Variants in ZNF578 observed in about 807,000 individuals in gnomAD.
ZNF578 encodes the protein zinc finger protein 578, also known as Putative chemokine-related protein B42.
ZNF578 carries 8 observed loss-of-function variants against 8.3 expected under a neutral mutation model. The observed-to-expected ratio is 0.96, with a 90% confidence interval of 0.56 to 1.74. The LOEUF (loss-of-function observed/expected upper bound fraction) is 1.74, where lower values mean the gene tolerates loss of function less well. Among genes scored for constraint, ZNF578 ranks in the 40% most tolerant of loss-of-function variants. The pLI, the probability that ZNF578 is intolerant of heterozygous loss-of-function variation, is 0.00. For missense variants in ZNF578, 726 were observed against 707.5 expected, an observed-to-expected ratio of 1.03 and a Z score of -0.30; for synonymous variants, 206 against 232.2, an observed-to-expected ratio of 0.89 and a Z score of 1.03.
intron 5 of ZNF578, among the ~76,000 whole-genome samples, chr19:52,508,893 A>AT (rs869062581): frequency 0.18 from 15,143 of 82,130 alleles, 3,465 homozygotes; most frequent in East Asian, 0.44. Context: ...CTATTAGTCA[A>AT]TTTTTTTTTT....
intron 5 of ZNF578, 77 bp downstream of exon 5, chr19:52,504,858 TG>T (rs1249391868): frequency 6.3e-7 from 1 of 1,590,072 alleles, no homozygotes; most frequent in Non-Finnish European, 8.5e-7. Context: ...TATTCTCTTT[TG>T]TGATTTTGCC....
intron 3 of ZNF578, among the ~76,000 whole-genome samples, chr19:52,497,027 G>C (rs1279413923): frequency 6.6e-6 from 1 of 152,086 alleles, no homozygotes; most frequent in Non-Finnish European, 1.5e-5. Flanking sequence ...CAACCTCCTG[G>C]GCTCAAGTGA....
At chr19:52,501,384 A>G (rs984942088) in intron 3 of ZNF578, among the ~76,000 whole-genome samples, 1 of 152,156 alleles carries the variant, frequency 6.6e-6, no homozygotes. Flanking sequence ...TTCTGACGGG[A>G]TGGAACCCAC....
intron 5 of ZNF578, among the ~76,000 whole-genome samples, chr19:52,505,332 C>T (rs1407043139): frequency 1.3e-5 from 2 of 152,312 alleles, no homozygotes; most frequent in Non-Finnish European, 2.9e-5. Context: ...GGGCTCACAG[C>T]CTCATATGTA....
intron 2 of ZNF578, among the ~76,000 whole-genome samples, chr19:52,478,886 G>T (rs2059316236): frequency 6.6e-6 from 1 of 151,834 alleles, no homozygotes; most frequent in African/African-American, 2.4e-5. Context: ...GCTAATTTTT[G>T]TATTTTTAGT....
At chr19:52,463,528 G>A (rs981932338) in intron 2 of ZNF578, among the ~76,000 whole-genome samples, 1 of 142,850 alleles carries the variant, frequency 7.0e-6, no homozygotes, top group Non-Finnish European at 1.5e-5. Context: ...CTTAGTCAAG[G>A]GTCCTGGAAG....
chr19:52,494,025 G>C (rs1045571730), intron 3 of ZNF578, among the ~76,000 whole-genome samples: 15 of 151,880 alleles, frequency 9.9e-5, no homozygotes, highest in Admixed American at 2.6e-4. Context: ...TGTGAGGATG[G>C]AGCAGAAGAG....
intron 2 of ZNF578, among the ~76,000 whole-genome samples, chr19:52,489,836 T>C (rs758482221): frequency 4.6e-5 from 7 of 151,962 alleles, no homozygotes; most frequent in Admixed American, 6.6e-5. Context: ...TTTTGTACTT[T>C]TAGTAGAGAT....
intron 2 of ZNF578, among the ~76,000 whole-genome samples, chr19:52,462,462 A>G (rs1266349214): frequency 2.0e-5 from 3 of 152,206 alleles, no homozygotes; most frequent in Non-Finnish European, 4.4e-5. Context: ...GGGTTCCAAC[A>G]AAGTGACAGA....
intron 4 of ZNF578, among the ~76,000 whole-genome samples, chr19:52,503,800 C>CTTTTTTT (rs59166209): frequency 0.01 from 1,267 of 125,442 alleles, 56 homozygotes; most frequent in Non-Finnish European, 0.017. Flanking sequence ...CCTGTGTTTG[C>CTTTTTTT]TTTTTTTTTT....
At chr19:52,493,172 G>A (rs1459011800) in intron 3 of ZNF578, among the ~76,000 whole-genome samples, 2 of 152,132 alleles carry the variant, frequency 1.3e-5, no homozygotes, top group African/African-American at 2.4e-5. Context: ...CCGCGAGGTG[G>A]ATTCCCGCCC....
intron 5 of ZNF578, among the ~76,000 whole-genome samples, chr19:52,509,433 A>T (rs2059436670): frequency 6.6e-6 from 1 of 152,156 alleles, no homozygotes; most frequent in African/African-American, 2.4e-5. Context: ...TAATTTTTAT[A>T]ATTTTGCATA....
intron 3 of ZNF578, among the ~76,000 whole-genome samples, chr19:52,496,638 GTTAT>G (rs1269200708): frequency 1.6e-5 from 2 of 125,668 alleles, no homozygotes; most frequent in African/African-American, 3.1e-5. Context: ...CTCATTAGTT[GTTAT>G]TTATTTATTT....
intron 2 of ZNF578, among the ~76,000 whole-genome samples, chr19:52,468,555 G>A (rs764493520): frequency 5.3e-5 from 8 of 152,202 alleles, no homozygotes; most frequent in Non-Finnish European, 8.8e-5. Flanking sequence ...TGAGTAATGT[G>A]ATGGTTAATA....
At position 52,476,131 on chromosome 19, in the gene ZNF578, A is replaced by G. The variant is rs114649170; in HGVS notation, c.-121-15193A>G. Among the ~76,000 whole-genome samples, 425 of 151,960 alleles carry G rather than the reference A, an allele frequency of 2.8e-3. 4 individuals are homozygous for G. Among genetic ancestry groups the G allele is most frequent in the African/African-American group, 9.8e-3 (408 of 41,462 alleles). Reference sequence around the variant, plus strand: ...GTAAAAAAAAAAAACAATCCTTAAGATCTATTACTACAAGAGGCCAGTATC... The same window carrying G: ...GTAAAAAAAAAAAACAATCCTTAAGGTCTATTACTACAAGAGGCCAGTATC... On this transcript the variant is annotated intron_variant, in intron 2 of 5. Coordinates refer to ENST00000421239, the MANE Select transcript of ZNF578 (RefSeq NM_001099694.2).
Position 52,496,325 on chromosome 19 carries a change from G to T in ZNF578, c.-20+4900G>T, listed in dbSNP as rs868265448. The stretch of plus-strand genomic sequence containing the variant: ...GCCACCACGCTCGGCCTCATTTGTT[G>T]TTATTTATTTATTTATTTATTTGAG... On this transcript the variant is annotated intron_variant, in intron 3 of 5. Coordinates refer to ENST00000421239, the MANE Select transcript of ZNF578 (RefSeq NM_001099694.2). 9.0e-3 allele frequency among the ~76,000 whole-genome samples: 1,321 copies of T among 146,102 alleles called. 7 individuals are homozygous for T. The highest frequency in any genetic ancestry group is 0.018 in the Middle Eastern group (5 of 282).
intron 2 of ZNF578, among the ~76,000 whole-genome samples, chr19:52,477,701 T>G (rs1322052219): frequency 6.6e-6 from 1 of 152,086 alleles, no homozygotes; most frequent in Non-Finnish European, 1.5e-5. Flanking sequence ...GCAATGCAGC[T>G]CAATTCCCAC....
Position 52,501,869 on chromosome 19 carries a change from G to C in ZNF578, c.24G>C (p.Gln8His). The change falls in exon 4 of 6, where the codon CAG (glutamine) becomes CAC (histidine). Residue 8 changes from glutamine (Q) to histidine (H), a missense_variant. Gln to His is a conservative substitution (Grantham distance 24). Coordinates refer to ENST00000421239, the MANE Select transcript of ZNF578 (RefSeq NM_001099694.2). MLHEEAA[Q>H]KRKGKEPGMA... Reference sequence around the variant, plus strand: ...TCATGTTACATGAGGAAGCAGCTCAGAAGAGGAAAGGAAAGGAGCCAGGCA... The same window carrying C: ...TCATGTTACATGAGGAAGCAGCTCACAAGAGGAAAGGAAAGGAGCCAGGCA... The C allele has an allele frequency of 6.2e-7, 1 of 1,613,674 alleles. No individual in the cohort carries two copies. The highest frequency in any genetic ancestry group is 8.5e-7 in the Non-Finnish European group (1 of 1,179,772).
At chr19:52,508,366 A>G (rs12973510) in intron 5 of ZNF578, among the ~76,000 whole-genome samples, 1 of 143,868 alleles carries the variant, frequency 7.0e-6, no homozygotes, top group Non-Finnish European at 1.5e-5. Context: ...GAGAGAGAGA[A>G]AGAGAAAGTG....
Sources: allele counts gnomAD v4.1 joint callset (sites outside exome capture counted in the v4.1 genomes callset), GRCh38; gene constraint gnomAD v4.1.1; transcripts MANE v1.5; gene names NCBI Gene and HGNC (gene_info 2026-07-23, HGNC 2026-07-21).